Variants in EEF2K observed in about 807,000 individuals in gnomAD.
The protein encoded by EEF2K is eukaryotic elongation factor 2 kinase, also known as alternative protein EEF2K.
A neutral mutation model predicts 93.8 loss-of-function variants in EEF2K; 70 were observed. The observed-to-expected ratio is 0.75, with a 90% CI of 0.62 to 0.91. EEF2K has a LOEUF of 0.91. EEF2K is among the 40% of genes least tolerant of loss of function. The probability of loss-of-function intolerance (pLI) is 0.00; values close to 1 mark genes in which losing one functional copy is unlikely to be tolerated. For missense variants in EEF2K, 935 were observed against 972.9 expected (o/e 0.96, Z 0.52); for synonymous variants, 376 against 380.8 (o/e 0.99, Z 0.15).
chr16:22,230,496 G>A (rs1173931138), intron 2 of EEF2K, among the ~76,000 whole-genome samples: 2 of 151,816 alleles, frequency 1.3e-5, no homozygotes, highest in East Asian at 1.9e-4. Context: ...TTACAGGCAT[G>A]AGCCGACATG....
At chr16:22,273,505 T>C (rs995848398) in intron 15 of EEF2K, 121 bp from the exon 16 acceptor site, 1 of 1,456,206 alleles carries the variant, frequency 6.9e-7, no homozygotes, top group Admixed American at 2.0e-5. Context: ...ATCTCACTTC[T>C]ATAGCCTCCC....
At chr16:22,233,344 A>C (rs139066282) in intron 2 of EEF2K, among the ~76,000 whole-genome samples, 4 of 152,198 alleles carry the variant, frequency 2.6e-5, no homozygotes, top group African/African-American at 4.8e-5. Flanking sequence ...GAGCAAATAC[A>C]TGTTTTTAAT....
chr16:22,261,092 G>T (rs376302574), intron 11 of EEF2K, among the ~76,000 whole-genome samples: 1 of 152,088 alleles, frequency 6.6e-6, no homozygotes, highest in Admixed American at 6.6e-5. Flanking sequence ...AGTAAAATTG[G>T]CCAGGCATGG....
intron 2 of EEF2K, among the ~76,000 whole-genome samples, chr16:22,238,431 A>G (rs2047189660): frequency 6.6e-6 from 1 of 152,010 alleles, no homozygotes; most frequent in African/African-American, 2.4e-5. Context: ...CCTTGAGGCT[A>G]GAGTTCAAGA....
chr16:22,245,525 C>T (rs1338333641), intron 3 of EEF2K, among the ~76,000 whole-genome samples: 2 of 151,924 alleles, frequency 1.3e-5, no homozygotes, highest in African/African-American at 2.4e-5. Flanking sequence ...CTGTTCTCAC[C>T]GAGGGTGGGG....
chr16:22,250,103 G>T (rs1232608070), intron 4 of EEF2K, among the ~76,000 whole-genome samples: 1 of 151,234 alleles, frequency 6.6e-6, no homozygotes, highest in East Asian at 1.9e-4. Flanking sequence ...GTAGAGGGAG[G>T]TCTTGCTATG....
At chr16:22,217,599 C>T (rs974578627) in intron 1 of EEF2K, among the ~76,000 whole-genome samples, 6 of 152,010 alleles carry the variant, frequency 3.9e-5, no homozygotes, top group South Asian at 2.1e-4. Flanking sequence ...ATTACCGGCT[C>T]GTGCCACCAT....
At position 22,263,094 on chromosome 16, in the gene EEF2K, C is replaced by A; in HGVS notation, c.1300-16C>A. 1 of 1,608,836 alleles carries A rather than the reference C, an allele frequency of 6.2e-7. No homozygotes were observed. Among genetic ancestry groups the A allele is most frequent in the Non-Finnish European group, 8.5e-7 (1 of 1,177,644 alleles). ...CAGGGGACCACCAGGACCCTAAGGC[C>A]GTCTTCTCTCCACAGGAGTCTGAGA... On this transcript the variant is annotated splice_polypyrimidine_tract_variant and intron_variant, in intron 11 of 17. Transcript: ENST00000263026.
intron 2 of EEF2K, among the ~76,000 whole-genome samples, chr16:22,240,977 C>A (rs1362781783): frequency 1.3e-5 from 2 of 151,848 alleles, no homozygotes; most frequent in African/African-American, 4.8e-5. Context: ...ACCATGTTGG[C>A]CAGGCTGGTA....
intron 6 of EEF2K, among the ~76,000 whole-genome samples, chr16:22,252,643 A>G (rs918300354): frequency 3.9e-5 from 6 of 152,194 alleles, no homozygotes; most frequent in Admixed American, 6.6e-5. Flanking sequence ...CCCAAGAAAA[A>G]GCGGAAGAAA....
rs1209533170 is a variant in EEF2K at position 22,286,904 on chromosome 16, C to G, written c.*2908C>G. The G allele has an allele frequency of 6.6e-6, 1 of 152,322 alleles. No individual in the cohort carries two copies. The highest frequency in any genetic ancestry group is 1.5e-5 in the Non-Finnish European group (1 of 68,136). 9.4% of individuals were successfully genotyped at this position (152,322 alleles called of 1,614,324 possible). A position where few individuals can be genotyped will look rare whatever the true frequency, so the allele number is the denominator to read the frequency against. ...TGGAACTGTCACCCCCGCAATTCTACTCCCCACCCACCCATGTGACCTTAA... is the reference window on the plus strand; with the variant it reads ...TGGAACTGTCACCCCCGCAATTCTAGTCCCCACCCACCCATGTGACCTTAA... On this transcript the variant is annotated 3_prime_UTR_variant, in exon 18 of 18. Coordinates refer to ENST00000263026, the MANE Select transcript of EEF2K (RefSeq NM_013302.5).
At chr16:22,234,433 T>C (rs2047146086) in intron 2 of EEF2K, among the ~76,000 whole-genome samples, 1 of 151,996 alleles carries the variant, frequency 6.6e-6, no homozygotes, top group African/African-American at 2.4e-5. Context: ...GGTGTGAGAC[T>C]GTAGTCCCAG....
At chr16:22,240,930 C>T (rs1350368273) in intron 2 of EEF2K, among the ~76,000 whole-genome samples, 2 of 151,874 alleles carry the variant, frequency 1.3e-5, no homozygotes, top group African/African-American at 4.8e-5. Context: ...CCACCATGCC[C>T]GGCTAATTTT....
chr16:22,280,321 G>A lies in EEF2K; in HGVS notation c.2013G>A (p.Glu671=), dbSNP rs1323336378. The A allele has an allele frequency of 1.9e-6, 3 of 1,607,012 alleles. No individual in the cohort carries two copies. Among genetic ancestry groups the A allele is most frequent in the Non-Finnish European group, 2.5e-6 (3 of 1,176,760 alleles). The change falls in exon 17 of 18, where the codon GAG becomes GAA. Residue 671 remains glutamate, a synonymous_variant. Coordinates refer to ENST00000263026, the MANE Select transcript of EEF2K (RefSeq NM_013302.5). ...DEPRYMMLAR[E]AEMLFTGGYG... ...CCCGGTACATGATGCTGGCCAGGGA[G>A]GCCGAGATGCTGTTCACAGGAGGCT...
intron 17 of EEF2K, among the ~76,000 whole-genome samples, chr16:22,281,376 A>T (rs2047691768): frequency 1.3e-5 from 2 of 152,104 alleles, no homozygotes; most frequent in South Asian, 4.1e-4. Flanking sequence ...AGCAGCTGGG[A>T]CTACAGGCAC....
intron 12 of EEF2K, among the ~76,000 whole-genome samples, 157 bp from the exon 13 acceptor site, chr16:22,264,661 C>T (rs1185629749): frequency 6.6e-6 from 1 of 152,074 alleles, no homozygotes; most frequent in Non-Finnish European, 1.5e-5. Context: ...GAGAAGGGTT[C>T]CAGTGTCACC....
intron 16 of EEF2K, among the ~76,000 whole-genome samples, chr16:22,279,772 A>C (rs2047674912): frequency 6.6e-6 from 1 of 152,080 alleles, no homozygotes; most frequent in African/African-American, 2.4e-5. Context: ...AGGCATGTGG[A>C]TCACTCGAGG....
chr16:22,257,808 C>T (rs766402379), intron 9 of EEF2K, 38 bp downstream of exon 9: 2 of 1,604,262 alleles, frequency 1.2e-6, no homozygotes, highest in East Asian at 4.5e-5. Flanking sequence ...CCTGGCAGGC[C>T]CTTCTGCTAC....
chr16:22,278,546 G>C (rs1332242098), intron 16 of EEF2K, among the ~76,000 whole-genome samples: 1 of 152,134 alleles, frequency 6.6e-6, no homozygotes, highest in African/African-American at 2.4e-5. Flanking sequence ...TGCAAAGGTA[G>C]ACAAACAGGA....
Sources: allele counts gnomAD v4.1 joint callset (sites outside exome capture counted in the v4.1 genomes callset), GRCh38; gene constraint gnomAD v4.1.1; transcripts MANE v1.5; gene names NCBI Gene and HGNC (gene_info 2026-07-23, HGNC 2026-07-21).